TFB1M: variants seen among roughly 807,000 people sequenced by gnomAD.
TFB1M encodes dimethyladenosine transferase 1, mitochondrial.
Under a neutral mutation model 31.1 loss-of-function variants are expected in TFB1M, and 27 were observed. The ratio of observed to expected loss-of-function variants is 0.87; its 90% confidence interval spans 0.64 to 1.20. The LOEUF is 1.20. TFB1M is among the 50% of genes most tolerant of loss of function. The probability of loss-of-function intolerance (pLI) is 0.00; values close to 1 mark genes in which losing one functional copy is unlikely to be tolerated. For missense variants in TFB1M, 394 were observed against 418.7 expected (o/e 0.94, Z 0.51); for synonymous variants, 166 against 151.8 (o/e 1.09, Z -0.69).
chr6:155,257,725 C>G lies in TFB1M; in HGVS notation c.*111G>C. 2.3e-6 allele frequency: 3 copies of G among 1,315,862 alleles called. No individual in the cohort carries two copies. Among genetic ancestry groups the G allele is most frequent in the Non-Finnish European group, 1.1e-6 (1 of 934,752 alleles). The allele number at this position is 1,315,862 out of a possible 1,614,324, so 81.5% of individuals were successfully genotyped here. On this transcript the variant is annotated 3_prime_UTR_variant, in exon 7 of 7. Transcript: ENST00000367166. ...ATAGTAAAAGGAAAATAAGTCACATCTGGTCATTGGCATTTGTATCGTCAT... is the reference window on the plus strand; with the variant it reads ...ATAGTAAAAGGAAAATAAGTCACATGTGGTCATTGGCATTTGTATCGTCAT...
chr6:155,260,863 C>T (rs1031350554), intron 5 of TFB1M: 17 of 257,154 alleles, frequency 6.6e-5, no homozygotes, highest in Admixed American at 4.1e-4. Flanking sequence ...CACTTATTTT[C>T]GGTAGACACT....
chr6:155,254,297 C>T (rs1331212), downstream of TFB1M: 496,972 of 1,327,820 alleles, frequency 0.37, 98,273 homozygotes, highest in Middle Eastern at 0.48. Flanking sequence ...GGCACTGCTG[C>T]TGGGTGGCTG....
At chr6:155,298,632 G>C (rs1241278648) in intron 2 of TFB1M, 47 bp from the exon 3 acceptor site, 1 of 1,286,122 alleles carries the variant, frequency 7.8e-7, no homozygotes, top group Admixed American at 1.7e-5. Context: ...ACTTATGCGA[G>C]TAACAAAACT....
rs181298444 is a variant in TFB1M, at chr6:155,274,748, C to T, written c.666+10410G>A. ...ACTCAGACTTCTTTCCACTGCTGTCCTTCCTCCTCAAATGGTTCACTTGGG... is the reference window on the plus strand; with the variant it reads ...ACTCAGACTTCTTTCCACTGCTGTCTTTCCTCCTCAAATGGTTCACTTGGG... On this transcript the variant is annotated intron_variant, in intron 5 of 6. Transcript: ENST00000367166. Among the ~76,000 whole-genome samples, 320 of 152,340 alleles carry T rather than the reference C, an allele frequency of 2.1e-3. 1 individual carries two copies. The highest frequency in any genetic ancestry group is 3.9e-3 in the Non-Finnish European group (266 of 68,040).
At chr6:155,250,482 G>A in the TFB1M span, 19,203 of 1,428,834 alleles carry the variant, frequency 0.013, 226 homozygotes, top group Non-Finnish European at 0.015. Context: ...AACAGGAAAG[G>A]ACTGGAGATC....
chr6:155,286,626 T>C (rs2764215), intron 4 of TFB1M, among the ~76,000 whole-genome samples: 2,812 of 142,004 alleles, frequency 0.02, 74 homozygotes, highest in South Asian at 0.051. Flanking sequence ...TGTGTATATA[T>C]GTGTGCATAT....
the TFB1M span, among the ~76,000 whole-genome samples, chr6:155,240,031 C>T: frequency 6.6e-6 from 1 of 152,224 alleles, no homozygotes; most frequent in Non-Finnish European, 1.5e-5. Context: ...AACTCCTGGC[C>T]CACTGTGGCC....
chr6:155,254,137 G>A, downstream of TFB1M: 3 of 1,466,090 alleles, frequency 2.0e-6, no homozygotes, highest in Non-Finnish European at 2.8e-6. Flanking sequence ...TATATTTAGT[G>A]CCCTCCTGAA....
In TFB1M at chr6:155,257,271, A is replaced by T; in HGVS notation, c.*565T>A. On this transcript the variant is annotated 3_prime_UTR_variant, in exon 7 of 7. Transcript: ENST00000367166. ...TCCCACAAAATGGTTGTAAAGATTT[A>T]AGTTATTTTAATTTATTGTGGATCA... The T allele has an allele frequency of 1.1e-6, 1 of 882,164 alleles. No homozygotes were observed. The highest frequency in any genetic ancestry group is 1.7e-6 in the Non-Finnish European group (1 of 597,396). The allele number at this position is 882,164 out of a possible 1,614,324, so 54.6% of individuals were successfully genotyped here. A position where few individuals can be genotyped will look rare whatever the true frequency, so the allele number is the denominator to read the frequency against.
At chr6:155,272,996 GA>G (rs1785005158) in intron 5 of TFB1M, among the ~76,000 whole-genome samples, 1 of 152,178 alleles carries the variant, frequency 6.6e-6, no homozygotes, top group South Asian at 2.1e-4. Context: ...GAGGGAGAGA[GA>G]AAAGTGAGCA....
At chr6:155,297,248 T>A in intron 3 of TFB1M, 144 bp from the exon 4 acceptor site, 1 of 854,868 alleles carries the variant, frequency 1.2e-6, no homozygotes, top group Non-Finnish European at 1.8e-6. Flanking sequence ...TTTTTTCACT[T>A]ATTATTCAAA....
the TFB1M span, among the ~76,000 whole-genome samples, chr6:155,249,401 C>T: frequency 6.6e-6 from 1 of 152,184 alleles, no homozygotes; most frequent in Admixed American, 6.5e-5. Context: ...CCCAGTCAGG[C>T]TTGGGTTTGA....
At chr6:155,248,728 A>G in the TFB1M span, among the ~76,000 whole-genome samples, 106,134 of 152,066 alleles carry the variant, frequency 0.7, 37,865 homozygotes, top group Non-Finnish European at 0.76. Flanking sequence ...GACACAATTT[A>G]TCAAAAACAC....
chr6:155,249,712 T>C, the TFB1M span: 6 of 614,368 alleles, frequency 9.8e-6, no homozygotes, highest in Non-Finnish European at 1.6e-5. Flanking sequence ...CTGTTGTGAC[T>C]TATTCTGAAT....
intron 5 of TFB1M, chr6:155,276,264 G>T: frequency 6.2e-7 from 1 of 1,613,980 alleles, no homozygotes; most frequent in Non-Finnish European, 8.5e-7. Flanking sequence ...ATGATTTTCT[G>T]CACCTCCTGT....
chr6:155,248,050 A>G, the TFB1M span: 8 of 1,614,092 alleles, frequency 5.0e-6, no homozygotes, highest in Non-Finnish European at 6.8e-6. Flanking sequence ...GAACCCCACC[A>G]AGCAGCATTC....
At chr6:155,305,715 AT>A (rs1418012932) in intron 2 of TFB1M, among the ~76,000 whole-genome samples, 4 of 53,788 alleles carry the variant, frequency 7.4e-5, no homozygotes, top group Non-Finnish European at 1.0e-4. Flanking sequence ...ATATTAAATT[AT>A]ATATTTATAT....
intron 5 of TFB1M, chr6:155,275,611 C>G: frequency 2.6e-6 from 3 of 1,174,820 alleles, no homozygotes; most frequent in Non-Finnish European, 3.6e-6. Context: ...GCCTTTTTTC[C>G]TTAGGCTTTG....
intron 5 of TFB1M, among the ~76,000 whole-genome samples, chr6:155,264,676 T>TA (rs1286008864): frequency 2.0e-5 from 3 of 152,214 alleles, no homozygotes; most frequent in Admixed American, 6.5e-5. Flanking sequence ...GAACAGATTT[T>TA]AAACAGTCAC....
Sources: allele counts gnomAD v4.1 joint callset (sites outside exome capture counted in the v4.1 genomes callset), GRCh38; gene constraint gnomAD v4.1.1; transcripts MANE v1.5; gene names NCBI Gene and HGNC (gene_info 2026-07-23, HGNC 2026-07-21).